PCDH15: variants seen among roughly 807,000 people sequenced by gnomAD.
PCDH15 encodes the protein protocadherin-15.
Under a neutral mutation model 178.5 loss-of-function variants are expected in PCDH15, and 129 were observed. The observed-to-expected ratio is 0.72, with a 90% CI of 0.63 to 0.84. PCDH15 has a LOEUF of 0.84. PCDH15 is among the 40% of genes least tolerant of loss of function. The pLI is 0.00. For missense variants in PCDH15, 2,230 were observed against 2,099.9 expected, an observed-to-expected ratio of 1.06 and a Z score of -1.21; for synonymous variants, 800 against 732.0, an observed-to-expected ratio of 1.09 and a Z score of -1.50.
At chr10:54,861,515 C>A (rs1016711411) in intron 3 of PCDH15, among the ~76,000 whole-genome samples, 1 of 152,090 alleles carries the variant, frequency 6.6e-6, no homozygotes, top group Admixed American at 6.6e-5. Context: ...CAGATGGATT[C>A]ACAGCCATAT....
intron 2 of PCDH15, among the ~76,000 whole-genome samples, chr10:55,125,207 A>C (rs895059954): frequency 7.3e-6 from 1 of 137,108 alleles, no homozygotes; most frequent in African/African-American, 2.8e-5. Flanking sequence ...GTTTAACAAA[A>C]ATCTGTGTTA....
At chr10:54,078,579 A>G (rs1301391157) in intron 17 of PCDH15, among the ~76,000 whole-genome samples, 35 of 152,026 alleles carry the variant, frequency 2.3e-4, no homozygotes, top group Non-Finnish European at 5.9e-5. Flanking sequence ...TTGACACATA[A>G]GCACCTGATT....
chr10:54,333,861 T>C (rs1056643609), intron 6 of PCDH15, among the ~76,000 whole-genome samples: 2 of 152,204 alleles, frequency 1.3e-5, no homozygotes, highest in Non-Finnish European at 2.9e-5. Flanking sequence ...GTGACTGCAC[T>C]CTCTGTCCTT....
chr10:54,263,414 A>G (rs2057463374), intron 8 of PCDH15, among the ~76,000 whole-genome samples: 1 of 152,170 alleles, frequency 6.6e-6, no homozygotes, highest in Non-Finnish European at 1.5e-5. Context: ...ACTGTTGCGG[A>G]TGCAGCAGTA....
At chr10:55,213,345 C>A (rs1442041372) in intron 1 of PCDH15, among the ~76,000 whole-genome samples, 1 of 152,024 alleles carries the variant, frequency 6.6e-6, no homozygotes, top group East Asian at 1.9e-4. Flanking sequence ...TCTCCCCTTG[C>A]AGTTTATGGA....
intron 18 of PCDH15, among the ~76,000 whole-genome samples, chr10:54,065,129 G>A (rs2094113056): frequency 6.6e-6 from 1 of 152,154 alleles, no homozygotes. Flanking sequence ...TCTACTGGAG[G>A]CAAGAAAATC....
intron 26 of PCDH15, among the ~76,000 whole-genome samples, chr10:53,880,212 T>C (rs2080603407): frequency 1.3e-5 from 2 of 152,180 alleles, no homozygotes; most frequent in African/African-American, 4.8e-5. Flanking sequence ...CAGTTCATAA[T>C]AAACATCTAT....
chr10:55,031,247 C>G (rs553401674), intron 2 of PCDH15, among the ~76,000 whole-genome samples: 1 of 152,102 alleles, frequency 6.6e-6, no homozygotes, highest in South Asian at 2.1e-4. Context: ...TGTTAGGAAA[C>G]AGTGTTTAAA....
rs77896078 is a variant in PCDH15 at position 54,991,655 on chromosome 10, C to A, written c.-79-94155G>T. Among the ~76,000 whole-genome samples the A allele has an allele frequency of 9.1e-4, 138 of 152,098 alleles. 1 individual carries two copies. The East Asian group carries it at 0.025, about 27-fold the overall frequency. ...CAGGCACTTTTCATTTAAAAGACAG[C>A]GGCTATGATAAAAATTTTGACCTTC... On this transcript the variant is annotated intron_variant, in intron 2 of 5. Coordinates refer to the PCDH15 transcript ENST00000458638.
intron 5 of PCDH15, among the ~76,000 whole-genome samples, chr10:54,364,737 G>A (rs373923525): frequency 7.9e-5 from 12 of 152,158 alleles, no homozygotes; most frequent in African/African-American, 2.9e-4. Flanking sequence ...ACACAGTTTG[G>A]TCAGTCAGAA....
At chr10:54,732,450 G>A (rs11004515) in intron 1 of PCDH15, among the ~76,000 whole-genome samples, 18,460 of 151,226 alleles carry the variant, frequency 0.12, 1,261 homozygotes, top group African/African-American at 0.17. Flanking sequence ...AATATAAAAT[G>A]GACCAGTTTC....
At chr10:54,738,050 T>C (rs1457589101) in intron 1 of PCDH15, among the ~76,000 whole-genome samples, 4 of 152,050 alleles carry the variant, frequency 2.6e-5, no homozygotes, top group Non-Finnish European at 1.5e-5. Context: ...GGGGTGAACT[T>C]CACATGTTCT....
intron 2 of PCDH15, among the ~76,000 whole-genome samples, chr10:55,617,788 C>T (rs935615151): frequency 5.3e-5 from 8 of 152,054 alleles, no homozygotes; most frequent in South Asian, 4.1e-4. Context: ...CATTGGGTAA[C>T]GACATTTTGG....
Position 55,483,029 on chromosome 10 carries a change from G to A in PCDH15, c.-156+144596C>T, listed in dbSNP as rs535473116. On this transcript the variant is annotated intron_variant, in intron 2 of 5. Transcript: ENST00000613346. ...ACACTGTATATAAACATTAACTCAA[G>A]GTGGATAAAAGACTTAAATGTAAAA... Among the ~76,000 whole-genome samples, 17 of 151,756 alleles carry A rather than the reference G, an allele frequency of 1.1e-4. No homozygotes were observed. In the South Asian group the frequency reaches 3.5e-3, roughly 31 times the overall value.
chr10:54,394,989 G>A (rs1433589265), intron 3 of PCDH15, among the ~76,000 whole-genome samples: 12 of 152,238 alleles, frequency 7.9e-5, no homozygotes, highest in Non-Finnish European at 1.6e-4. Context: ...AACAATTGCT[G>A]TTATCCTGTT....
intron 2 of PCDH15, among the ~76,000 whole-genome samples, chr10:55,438,185 C>T (rs1369000194): frequency 7.6e-6 from 1 of 130,992 alleles, no homozygotes; most frequent in Non-Finnish European, 1.5e-5. Flanking sequence ...CAAAACAAAA[C>T]AAAAAAGAAC....
intron 18 of PCDH15, among the ~76,000 whole-genome samples, chr10:54,057,550 A>G (rs1489862536): frequency 6.6e-6 from 1 of 152,010 alleles, no homozygotes; most frequent in Non-Finnish European, 1.5e-5. Flanking sequence ...ATGAGGATAC[A>G]CACAGCAGAG....
At chr10:54,592,708 A>G (rs1045707404) in intron 2 of PCDH15, among the ~76,000 whole-genome samples, 2 of 152,180 alleles carry the variant, frequency 1.3e-5, no homozygotes, top group Non-Finnish European at 2.9e-5. Flanking sequence ...ATAAAGACTC[A>G]GAAGTGGGAT....
At chr10:54,521,068 G>C (rs997247110) in intron 3 of PCDH15, among the ~76,000 whole-genome samples, 7 of 119,010 alleles carry the variant, frequency 5.9e-5, no homozygotes, top group Non-Finnish European at 1.0e-4. Flanking sequence ...GTTGTGGGGT[G>C]GGGGGAGGGG....
Sources: gnomAD v4.1 joint callset for allele counts (sites outside exome capture counted in the v4.1 genomes callset) on GRCh38, gnomAD v4.1.1 for gene constraint, MANE v1.5 for transcripts, NCBI Gene and HGNC (gene_info 2026-07-23, HGNC 2026-07-21) for gene names.